Variants in OSBPL10 observed in about 807,000 individuals in gnomAD.
OSBPL10 encodes the protein oxysterol-binding protein-related protein 10.
Under a neutral mutation model 81.7 loss-of-function variants are expected in OSBPL10, and 49 were observed. That is an observed-to-expected ratio of 0.60 (90% CI 0.48 to 0.76). The LOEUF is 0.76. Among genes scored for constraint, OSBPL10 ranks in the 30% least tolerant of loss-of-function variants. OSBPL10 has a pLI of 0.00. For synonymous variants in OSBPL10, 419 were observed against 383.6 expected (o/e 1.09, Z -1.08); for missense variants, 923 against 987.8 (o/e 0.93, Z 0.88).
chr3:31,695,441 T>C (rs144592131), intron 7 of OSBPL10, among the ~76,000 whole-genome samples: 2 of 152,164 alleles, frequency 1.3e-5, no homozygotes, highest in Admixed American at 6.5e-5. Context: ...CATTGACCTT[T>C]TACTGTCCAC....
intron 1 of OSBPL10, among the ~76,000 whole-genome samples, chr3:31,943,407 AT>A (rs929936086): frequency 2.0e-5 from 3 of 151,958 alleles, no homozygotes; most frequent in African/African-American, 4.8e-5. Flanking sequence ...AATACACAGT[AT>A]TTTTTTTAAT....
intron 2 of OSBPL10, among the ~76,000 whole-genome samples, chr3:32,038,868 C>T (rs933364761): frequency 3.3e-5 from 5 of 151,976 alleles, no homozygotes; most frequent in African/African-American, 9.7e-5. Context: ...AAAAGCAAAT[C>T]CTAGGCAAGA....
chr3:31,952,377 C>G (rs1022634928), intron 1 of OSBPL10, among the ~76,000 whole-genome samples: 1 of 152,192 alleles, frequency 6.6e-6, no homozygotes. Flanking sequence ...TAGATCTTAA[C>G]CAGGTGGCAC....
chr3:31,800,746 C>T (rs7640650), intron 4 of OSBPL10, among the ~76,000 whole-genome samples: 2,416 of 151,526 alleles, frequency 0.016, 65 homozygotes, highest in African/African-American at 0.056. Flanking sequence ...ATGGTACATA[C>T]TTAAATTTTA....
chr3:31,850,948 G>A (rs78115565), intron 3 of OSBPL10, among the ~76,000 whole-genome samples: 3,477 of 152,294 alleles, frequency 0.023, 134 homozygotes, highest in African/African-American at 0.079. Context: ...CATTAATGTG[G>A]TGTGTCTGCA....
intron 1 of OSBPL10, among the ~76,000 whole-genome samples, chr3:31,893,763 T>C (rs905006404): frequency 6.6e-6 from 1 of 152,076 alleles, no homozygotes; most frequent in Non-Finnish European, 1.5e-5. Flanking sequence ...ACACTACAAA[T>C]TGTATCATTC....
Position 31,719,133 on chromosome 3 carries a change from C to T in OSBPL10, c.1095+14124G>A, listed in dbSNP as rs116139301. Among the ~76,000 whole-genome samples the T allele has an allele frequency of 3.4e-3, 519 of 152,224 alleles. 4 individuals are homozygous for T. Among genetic ancestry groups the T allele is most frequent in the African/African-American group, 0.01 (433 of 41,536 alleles). ...TTCCTGGACAGCAACACATAAAATC[C>T]GGGAGCTGAATTTTAAACTAATGCT... is the stretch of plus-strand genomic sequence containing the variant. On this transcript the variant is annotated intron_variant, in intron 6 of 11. Transcript: ENST00000396556.
intron 4 of OSBPL10, among the ~76,000 whole-genome samples, chr3:31,761,471 C>CAAA (rs112468280): frequency 3.6e-5 from 2 of 56,032 alleles, no homozygotes; most frequent in Admixed American, 2.0e-4. Context: ...GACTCCATTT[C>CAAA]AAAAAAAAAA....
At chr3:31,865,813 C>T (rs963470726) in intron 3 of OSBPL10, among the ~76,000 whole-genome samples, 3 of 152,190 alleles carry the variant, frequency 2.0e-5, no homozygotes, top group Admixed American at 2.0e-4. Flanking sequence ...CAATGAGTTA[C>T]CAGCAGTACC....
At chr3:31,859,307 G>A (rs536858040) in intron 3 of OSBPL10, among the ~76,000 whole-genome samples, 7 of 152,324 alleles carry the variant, frequency 4.6e-5, no homozygotes, top group African/African-American at 1.2e-4. Context: ...TGGAGCTTCC[G>A]GATAGCTGAA....
At chr3:32,061,745 C>T (rs1220853008) in intron 1 of OSBPL10, among the ~76,000 whole-genome samples, 4 of 91,198 alleles carry the variant, frequency 4.4e-5, no homozygotes, top group Admixed American at 2.7e-4. Context: ...CTGAAGCCAT[C>T]CTCCCACCTC....
chr3:31,943,206 AAAT>A (rs1189969990), intron 1 of OSBPL10, among the ~76,000 whole-genome samples: 95 of 152,330 alleles, frequency 6.2e-4, no homozygotes, highest in African/African-American at 2.2e-3. Context: ...TTTCATGACT[AAAT>A]AATATTCCAT....
intron 1 of OSBPL10, among the ~76,000 whole-genome samples, chr3:31,909,847 C>G (rs146207719): frequency 3.3e-5 from 5 of 152,208 alleles, no homozygotes; most frequent in African/African-American, 9.6e-5. Flanking sequence ...CCCCCTAACA[C>G]CATTTTTTTA....
chr3:31,833,891 T>C (rs1439394243), intron 3 of OSBPL10, among the ~76,000 whole-genome samples: 1 of 152,152 alleles, frequency 6.6e-6, no homozygotes, highest in African/African-American at 2.4e-5. Flanking sequence ...CCACGGTGGA[T>C]GTCTAAAACC....
intron 5 of OSBPL10, among the ~76,000 whole-genome samples, chr3:31,747,678 A>T (rs1697568878): frequency 6.6e-6 from 1 of 152,170 alleles, no homozygotes. Flanking sequence ...CAGTAGAGGA[A>T]GGGCAGGAGA....
intron 3 of OSBPL10, among the ~76,000 whole-genome samples, chr3:31,870,319 G>A (rs887646973): frequency 1.3e-5 from 2 of 152,250 alleles, no homozygotes; most frequent in Non-Finnish European, 2.9e-5. Context: ...CACTGGCGCT[G>A]CCCTCGATTT....
intron 1 of OSBPL10, among the ~76,000 whole-genome samples, chr3:31,962,406 C>G (rs561939086): frequency 6.6e-6 from 1 of 152,200 alleles, no homozygotes; most frequent in East Asian, 1.9e-4. Flanking sequence ...TAAAAAAGTA[C>G]CGGACATGAA....
At chr3:31,980,278 A>C (rs1429074403) in intron 1 of OSBPL10, among the ~76,000 whole-genome samples, 1 of 152,172 alleles carries the variant, frequency 6.6e-6, no homozygotes, top group African/African-American at 2.4e-5. Flanking sequence ...CTGGGATTAC[A>C]GAGGTGAGCC....
chr3:31,797,858 G>T, intron 4 of OSBPL10: 1 of 449,168 alleles, frequency 2.2e-6, no homozygotes, highest in Non-Finnish European at 4.5e-6. Context: ...AAATGGGGAT[G>T]GGGGGGTGAA....
Sources: allele counts gnomAD v4.1 joint callset (sites outside exome capture counted in the v4.1 genomes callset), GRCh38; gene constraint gnomAD v4.1.1; transcripts MANE v1.5; gene names NCBI Gene and HGNC (gene_info 2026-07-23, HGNC 2026-07-21).